The following PAPSS2 variants were observed in gnomAD, a reference collection of about 807,000 sequenced individuals.
PAPSS2 encodes bifunctional 3'-phosphoadenosine 5'-phosphosulfate synthase 2.
Under a neutral mutation model 66.5 loss-of-function variants are expected in PAPSS2, and 61 were observed. The observed-to-expected ratio is 0.92, with a 90% CI of 0.75 to 1.14. The LOEUF is 1.14. PAPSS2 is among the 50% of genes most tolerant of loss of function. The pLI, the probability that PAPSS2 is intolerant of heterozygous loss-of-function variation, is 0.00. For missense variants in PAPSS2, 708 were observed against 789.6 expected, an observed-to-expected ratio of 0.90 and a Z score of 1.24; for synonymous variants, 289 against 287.5, an observed-to-expected ratio of 1.01 and a Z score of -0.05.
intron 1 of PAPSS2, among the ~76,000 whole-genome samples, chr10:87,687,192 C>T (rs151122632): frequency 6.6e-6 from 1 of 152,084 alleles, no homozygotes; most frequent in African/African-American, 2.4e-5. Flanking sequence ...GTCCCTTTCA[C>T]CACTATCCCC....
intron 1 of PAPSS2, among the ~76,000 whole-genome samples, chr10:87,689,667 CA>C (rs536306316): frequency 6.2e-4 from 46 of 74,606 alleles, no homozygotes; most frequent in Non-Finnish European, 1.1e-3. Flanking sequence ...AACCTTGTCT[CA>C]AAAAAAAAAA....
intron 1 of PAPSS2, among the ~76,000 whole-genome samples, chr10:87,702,830 A>G (rs535483657): frequency 6.6e-6 from 1 of 151,974 alleles, no homozygotes; most frequent in African/African-American, 2.4e-5. Flanking sequence ...CCCTTCCATG[A>G]CACTCCTCCC....
intron 11 of PAPSS2, 58 bp downstream of exon 11, chr10:87,743,699 T>C (rs1853902220): frequency 3.8e-6 from 6 of 1,590,594 alleles, no homozygotes; most frequent in East Asian, 2.2e-5. Flanking sequence ...AGACTTTACA[T>C]AGAAGAGTAA....
chr10:87,699,812 TAAA>T (rs11378998), intron 1 of PAPSS2, among the ~76,000 whole-genome samples: 18 of 135,658 alleles, frequency 1.3e-4, no homozygotes, highest in Non-Finnish European at 1.4e-4. Context: ...ATCATGCCAC[TAAA>T]AAAAAAAAAA....
chr10:87,711,365 C>T (rs777439802), intron 2 of PAPSS2, among the ~76,000 whole-genome samples: 15 of 152,216 alleles, frequency 9.9e-5, no homozygotes, highest in Non-Finnish European at 1.5e-4. Flanking sequence ...TATGAAAGTA[C>T]GTGTGCCAAC....
intron 1 of PAPSS2, 99 bp from the exon 2 acceptor site, chr10:87,709,097 G>T: frequency 1.3e-6 from 1 of 769,306 alleles, no homozygotes; most frequent in South Asian, 1.4e-5. Flanking sequence ...ACATGTATCA[G>T]TTTCGCAATT....
At chr10:87,716,199 G>A (rs909886485) in intron 7 of PAPSS2, among the ~76,000 whole-genome samples, 2 of 152,140 alleles carry the variant, frequency 1.3e-5, no homozygotes, top group Admixed American at 1.3e-4. Flanking sequence ...GCCAAGATGA[G>A]GTCAGCACAT....
chr10:87,665,945 A>G (rs1185491498), intron 1 of PAPSS2, among the ~76,000 whole-genome samples: 1 of 146,362 alleles, frequency 6.8e-6, no homozygotes, highest in African/African-American at 2.5e-5. Flanking sequence ...TTTGTCAGCT[A>G]TTTGTTGTTT....
chr10:87,719,176 A>G (rs1032131290), intron 7 of PAPSS2, among the ~76,000 whole-genome samples: 9 of 151,954 alleles, frequency 5.9e-5, no homozygotes, highest in Admixed American at 5.3e-4. Flanking sequence ...CACCCCTACC[A>G]CTCGCCGTAT....
chr10:87,685,192 G>T (rs1000235121), intron 1 of PAPSS2, among the ~76,000 whole-genome samples: 3 of 152,132 alleles, frequency 2.0e-5, no homozygotes, highest in African/African-American at 7.2e-5. Flanking sequence ...CCCCAGAGAG[G>T]AGAGTTGAGC....
intron 1 of PAPSS2, among the ~76,000 whole-genome samples, chr10:87,663,947 G>A (rs1852785093): frequency 6.6e-6 from 1 of 152,046 alleles, no homozygotes. Context: ...TTTGTTTTGA[G>A]ACAGGCTGGA....
intron 1 of PAPSS2, among the ~76,000 whole-genome samples, chr10:87,672,952 C>T (rs1379307114): frequency 1.3e-5 from 2 of 152,182 alleles, no homozygotes; most frequent in East Asian, 3.8e-4. Flanking sequence ...CATGCTTATT[C>T]GTTTACACAT....
intron 1 of PAPSS2, among the ~76,000 whole-genome samples, chr10:87,691,393 C>T (rs1046281050): frequency 2.0e-5 from 3 of 151,676 alleles, no homozygotes; most frequent in African/African-American, 4.8e-5. Context: ...TGAAGAAGGC[C>T]GACATGTCAG....
intron 7 of PAPSS2, among the ~76,000 whole-genome samples, chr10:87,718,849 A>G (rs1270539259): frequency 2.0e-5 from 3 of 152,238 alleles, no homozygotes; most frequent in Non-Finnish European, 4.4e-5. Context: ...TGTAAGGTGT[A>G]TAGATCCCTT....
At chr10:87,711,622 G>A (rs1240555823) in intron 2 of PAPSS2, among the ~76,000 whole-genome samples, 2 of 152,208 alleles carry the variant, frequency 1.3e-5, no homozygotes, top group Non-Finnish European at 2.9e-5. Flanking sequence ...ATTTGATGAA[G>A]TTAGTGTTGA....
chr10:87,733,132 G>A (rs920149827), intron 9 of PAPSS2, among the ~76,000 whole-genome samples: 4 of 152,152 alleles, frequency 2.6e-5, no homozygotes, highest in Non-Finnish European at 4.4e-5. Flanking sequence ...TTACTTCTGC[G>A]GGAATCCTGG....
intron 1 of PAPSS2, among the ~76,000 whole-genome samples, chr10:87,705,890 C>A (rs1376709170): frequency 1.3e-5 from 2 of 150,806 alleles, no homozygotes; most frequent in East Asian, 2.0e-4. Context: ...AGTGCCACCA[C>A]GCCCAGCTAA....
chr10:87,661,463 G>A (rs142274350), intron 1 of PAPSS2, among the ~76,000 whole-genome samples: 140 of 152,292 alleles, frequency 9.2e-4, no homozygotes, highest in Middle Eastern at 3.4e-3. Flanking sequence ...ATCCTAAATA[G>A]TGTCTTCTAA....
chr10:87,671,348 T>A (rs754889493), intron 1 of PAPSS2, among the ~76,000 whole-genome samples: 2 of 152,210 alleles, frequency 1.3e-5, no homozygotes, highest in Non-Finnish European at 2.9e-5. Flanking sequence ...TGTTGTGTAA[T>A]CTTTAGAAGA....
Sources: gnomAD v4.1 joint callset for allele counts (sites outside exome capture counted in the v4.1 genomes callset) on GRCh38, gnomAD v4.1.1 for gene constraint, MANE v1.5 for transcripts, NCBI Gene and HGNC (gene_info 2026-07-23, HGNC 2026-07-21) for gene names.